Variants in HMCN1 observed in about 807,000 individuals in gnomAD.
HMCN1 encodes the protein hemicentin 1, also known as hemicentin-1.
HMCN1 carries 321 observed loss-of-function variants against 625.9 expected under a neutral mutation model. The ratio of observed to expected loss-of-function variants is 0.51; its 90% CI spans 0.47 to 0.56. The LOEUF is 0.56. HMCN1 is among the 20% of genes least tolerant of loss of function. HMCN1 has a pLI of 0.00. For synonymous variants in HMCN1, 2,425 were observed against 2,417.6 expected (o/e 1.00, Z -0.09); for missense variants, 6,588 against 6,887.3 (o/e 0.96, Z 1.54).
intron 86 of HMCN1, 108 bp downstream of exon 86, chr1:186,132,517 A>C: frequency 1.2e-6 from 1 of 860,518 alleles, no homozygotes; most frequent in Non-Finnish European, 1.9e-6. Flanking sequence ...GGTAGCTCTC[A>C]GAGTGTGTCT....
Position 186,189,854 on chromosome 1 carries a change from A to T in HMCN1, c.16884A>T (p.Ile5628=). 1 of 1,613,772 alleles carries T rather than the reference A, an allele frequency of 6.2e-7. No individual in the cohort carries two copies. Among genetic ancestry groups the T allele is most frequent in the Non-Finnish European group, 8.5e-7 (1 of 1,179,814 alleles). The stretch of plus-strand genomic sequence containing the variant: ...ATCAGACCACATTCATAGTTTATAT[A>T]GCTGTGTCCGCCTATCCATACTAAG... ...IEYQTTFIVY[I]AVSAYPY is the part of the protein sequence containing the mutation. The change falls in exon 107 of 107, where the codon ATA becomes ATT. Residue 5628 remains isoleucine (I), a synonymous_variant. Coordinates refer to ENST00000271588, the MANE Select transcript of HMCN1 (RefSeq NM_031935.3).
At chr1:185,974,775 T>C (rs1651078272) in intron 15 of HMCN1, among the ~76,000 whole-genome samples, 1 of 152,222 alleles carries the variant, frequency 6.6e-6, no homozygotes, top group South Asian at 2.1e-4. Context: ...TGTTTTGTGA[T>C]ACCAGTACAT....
chr1:185,930,115 C>T (rs1667467741), intron 10 of HMCN1, among the ~76,000 whole-genome samples: 1 of 152,190 alleles, frequency 6.6e-6, no homozygotes, highest in Admixed American at 6.5e-5. Flanking sequence ...GTATATTCTA[C>T]ACATGCCCTT....
chr1:185,887,262 A>G (rs909428610), intron 4 of HMCN1, among the ~76,000 whole-genome samples: 2 of 152,088 alleles, frequency 1.3e-5, no homozygotes, highest in Non-Finnish European at 2.9e-5. Flanking sequence ...CAGTTTTTAA[A>G]CAGTGAAATA....
At chr1:185,997,662 A>G in intron 25 of HMCN1, 138 bp downstream of exon 25, 1 of 687,030 alleles carries the variant, frequency 1.5e-6, no homozygotes, top group East Asian at 2.7e-5. Context: ...AAACTAACCC[A>G]TTTTTCAGAT....
chr1:185,983,933 G>C (rs1346245739), intron 18 of HMCN1, among the ~76,000 whole-genome samples: 1 of 152,128 alleles, frequency 6.6e-6, no homozygotes, highest in Non-Finnish European at 1.5e-5. Flanking sequence ...TTTAGCTTGT[G>C]CTTAACTCTC....
intron 4 of HMCN1, among the ~76,000 whole-genome samples, chr1:185,899,944 T>A (rs560956517): frequency 6.6e-6 from 1 of 152,174 alleles, no homozygotes; most frequent in East Asian, 1.9e-4. Flanking sequence ...TATATTGTGA[T>A]AATTAGATTT....
intron 26 of HMCN1, among the ~76,000 whole-genome samples, chr1:186,000,506 C>A (rs182166317): frequency 6.6e-6 from 1 of 151,066 alleles, no homozygotes; most frequent in East Asian, 1.9e-4. Flanking sequence ...TCTACTTATC[C>A]TCTATTTGGG....
At chr1:185,952,616 C>T (rs933955427) in intron 11 of HMCN1, among the ~76,000 whole-genome samples, 16 of 151,634 alleles carry the variant, frequency 1.1e-4, no homozygotes, top group African/African-American at 3.4e-4. Context: ...TGCCATTTTC[C>T]GGCTATTTGG....
At chr1:185,842,098 T>C (rs1661510517) in intron 1 of HMCN1, among the ~76,000 whole-genome samples, 1 of 152,240 alleles carries the variant, frequency 6.6e-6, no homozygotes, top group Non-Finnish European at 1.5e-5. Flanking sequence ...ACGCTACCTT[T>C]TCCACACTTT....
At chr1:185,989,765 G>C in intron 21 of HMCN1, 118 bp downstream of exon 21, 8 of 701,734 alleles carry the variant, frequency 1.1e-5, no homozygotes, top group Non-Finnish European at 1.8e-5. Context: ...TGCTCCCCCA[G>C]ATTTCTATTT....
chr1:186,139,260 C>T lies in HMCN1; in HGVS notation c.13924+1288C>T, dbSNP rs945961372. On this transcript the variant is annotated intron_variant, in intron 89 of 106. Coordinates refer to ENST00000271588, the MANE Select transcript of HMCN1 (RefSeq NM_031935.3). ...ATCTAATTATGAAGCTTATTTAAATCGTAGGTATCTGGATTTGCAATTCGG... is the reference window on the plus strand; with the variant it reads ...ATCTAATTATGAAGCTTATTTAAATTGTAGGTATCTGGATTTGCAATTCGG... 1.1e-4 allele frequency among the ~76,000 whole-genome samples: 16 copies of T among 152,240 alleles called. No individual in the cohort carries two copies. In the South Asian group the frequency reaches 2.5e-3, roughly 24 times the overall value.
chr1:185,855,901 TTGAC>T (rs1662436033), intron 2 of HMCN1, among the ~76,000 whole-genome samples: 1 of 152,210 alleles, frequency 6.6e-6, no homozygotes, highest in Admixed American at 6.5e-5. Flanking sequence ...GCAGCATAGT[TTGAC>T]TGTCTGGGAT....
chr1:186,032,909 C>T (rs1223315718), intron 36 of HMCN1, among the ~76,000 whole-genome samples: 1 of 152,140 alleles, frequency 6.6e-6, no homozygotes, highest in African/African-American at 2.4e-5. Flanking sequence ...AATCTCACTA[C>T]TGGGTATTTA....
chr1:185,739,731 G>T (rs566343661), intron 1 of HMCN1, among the ~76,000 whole-genome samples: 1 of 152,270 alleles, frequency 6.6e-6, no homozygotes, highest in East Asian at 1.9e-4. Context: ...TATTGCAGGG[G>T]TGGGGAGTGA....
intron 1 of HMCN1, among the ~76,000 whole-genome samples, chr1:185,822,952 A>T (rs937625167): frequency 1.3e-5 from 2 of 152,130 alleles, no homozygotes; most frequent in Non-Finnish European, 2.9e-5. Context: ...AAATTTGAAC[A>T]ATCTCACTGT....
At chr1:186,139,458 A>T (rs528084443) in intron 89 of HMCN1, among the ~76,000 whole-genome samples, 5 of 152,198 alleles carry the variant, frequency 3.3e-5, no homozygotes, top group Admixed American at 3.3e-4. Flanking sequence ...GTCATCTATA[A>T]TAACTATATA....
chr1:185,829,599 T>C (rs1483595946), intron 1 of HMCN1, among the ~76,000 whole-genome samples: 2 of 152,192 alleles, frequency 1.3e-5, no homozygotes, highest in South Asian at 2.1e-4. Context: ...CATTCCTTTT[T>C]ATGGCTGCAT....
chr1:185,851,812 C>A (rs938724670), intron 2 of HMCN1, among the ~76,000 whole-genome samples: 2 of 152,026 alleles, frequency 1.3e-5, no homozygotes, highest in East Asian at 1.9e-4. Context: ...CACACCCCCC[C>A]CAACACACAG....
Sources: gnomAD v4.1 joint callset for allele counts (sites outside exome capture counted in the v4.1 genomes callset) on GRCh38, gnomAD v4.1.1 for gene constraint, MANE v1.5 for transcripts, NCBI Gene and HGNC (gene_info 2026-07-23, HGNC 2026-07-21) for gene names.